The following PI4KA variants were observed in gnomAD, a reference collection of about 807,000 sequenced individuals.
PI4KA encodes the protein PI4-kinase alpha.
In PI4KA, 122 loss-of-function variants were observed where a neutral mutation model predicts 271.4. The observed-to-expected ratio is 0.45, with a 90% CI of 0.39 to 0.52. PI4KA has a LOEUF of 0.52. PI4KA is among the 20% of genes least tolerant of loss of function. PI4KA has a pLI of 0.00. For missense variants in PI4KA, 1,969 were observed against 2,769.1 expected (o/e 0.71, Z 6.48); for synonymous variants, 1,041 against 1,078.8 (o/e 0.96, Z 0.69).
At chr22:20,849,809 G>A (rs570369962) in intron 1 of PI4KA, among the ~76,000 whole-genome samples, 23 of 152,234 alleles carry the variant, frequency 1.5e-4, no homozygotes, top group African/African-American at 5.1e-4. Flanking sequence ...AGCCGAGATC[G>A]CGCCACTGCA....
intron 1 of PI4KA, among the ~76,000 whole-genome samples, chr22:20,840,287 C>T (rs1375997591): frequency 2.0e-5 from 3 of 152,246 alleles, no homozygotes; most frequent in Admixed American, 2.0e-4. Context: ...GAAGCCAGGA[C>T]AAATCAGGAA....
At chr22:20,755,311 T>G (rs530512980) in intron 23 of PI4KA, among the ~76,000 whole-genome samples, 1 of 152,358 alleles carries the variant, frequency 6.6e-6, no homozygotes, top group Admixed American at 6.5e-5. Flanking sequence ...ATGTCTTGTC[T>G]TTTCTTCTTC....
intron 36 of PI4KA, among the ~76,000 whole-genome samples, chr22:20,730,744 A>G (rs1927940015): frequency 6.6e-6 from 1 of 151,430 alleles, no homozygotes; most frequent in South Asian, 2.1e-4. Flanking sequence ...TAATTTTTGT[A>G]TTTTTAGTAG....
chr22:20,787,592 A>C, intron 19 of PI4KA: 1 of 177,750 alleles, frequency 5.6e-6, no homozygotes, highest in Non-Finnish European at 1.2e-5. Context: ...AATTTTCTCA[A>C]AGCCTGACCT....
At chr22:20,776,152 T>C (rs1199864455) in intron 19 of PI4KA, among the ~76,000 whole-genome samples, 19 of 152,044 alleles carry the variant, frequency 1.2e-4, no homozygotes, top group Non-Finnish European at 5.9e-5. Context: ...TAAAACCCCA[T>C]CTTTACCAAA....
intron 19 of PI4KA, among the ~76,000 whole-genome samples, chr22:20,778,485 CAG>C (rs1200016295): frequency 6.6e-6 from 1 of 152,102 alleles, no homozygotes; most frequent in Non-Finnish European, 1.5e-5. Flanking sequence ...GCCTGGGTGA[CAG>C]AGTGAGACTC....
At position 20,822,844 on chromosome 22, in the gene PI4KA, T is replaced by C. The variant is rs988104622; in HGVS notation, c.456+1482A>G. ...ATGACTTGTTCATAACCAAGTCAAA[T>C]CTCTTACATTTTCCTAATATTAAGT... On this transcript the variant is annotated intron_variant, in intron 4 of 54. Transcript: ENST00000255882. Among the ~76,000 whole-genome samples the C allele has an allele frequency of 1.3e-5, 2 of 152,220 alleles. 1 individual carries two copies. The highest frequency in any genetic ancestry group is 4.8e-5 in the African/African-American group (2 of 41,454).
chr22:20,844,157 A>G (rs1925950444), intron 1 of PI4KA, among the ~76,000 whole-genome samples: 1 of 152,314 alleles, frequency 6.6e-6, no homozygotes. Context: ...CTGATGTCTT[A>G]CAGTTACTTG....
At position 20,858,792 on chromosome 22, in the gene PI4KA, G is replaced by A; in HGVS notation, c.-67C>T. ...TGGCCCGCGAGCGCCCGACCTCAGGGCGCAGGCGTAGGTGCATCCGGCTTT... is the reference window on the plus strand; with the variant it reads ...TGGCCCGCGAGCGCCCGACCTCAGGACGCAGGCGTAGGTGCATCCGGCTTT... On this transcript the variant is annotated 5_prime_UTR_variant, in exon 1 of 55. Transcript: ENST00000255882. 7.3e-7 allele frequency: 1 copy of A among 1,367,918 alleles called. No individual in the cohort carries two copies. The highest frequency in any genetic ancestry group is 1.5e-5 in the South Asian group (1 of 64,946). 84.7% of individuals were successfully genotyped at this position (1,367,918 alleles called of 1,614,324 possible). A position where few individuals can be genotyped will look rare whatever the true frequency, so the allele number is the denominator to read the frequency against.
chr22:20,759,561 G>A (rs1447796953), intron 23 of PI4KA, among the ~76,000 whole-genome samples: 3 of 151,390 alleles, frequency 2.0e-5, no homozygotes, highest in Admixed American at 6.6e-5. Flanking sequence ...GCACCACCAC[G>A]CTCGGCTTAT....
At chr22:20,784,569 C>G (rs917567109) in intron 19 of PI4KA, among the ~76,000 whole-genome samples, 3 of 152,144 alleles carry the variant, frequency 2.0e-5, no homozygotes, top group African/African-American at 7.2e-5. Context: ...CCATTACTTC[C>G]CCGGGTCACT....
At chr22:20,732,866 G>T (rs1163886069) in intron 36 of PI4KA, 105 bp downstream of exon 36, 2 of 1,321,830 alleles carry the variant, frequency 1.5e-6, no homozygotes. Flanking sequence ...GCTCAGGGGG[G>T]TCTAACTGCT....
In PI4KA at chr22:20,818,529, C is replaced by T; in HGVS notation, c.810G>A (p.Met270Ile). 1 of 1,559,896 alleles carries T rather than the reference C, an allele frequency of 6.4e-7. No homozygotes were observed. The highest frequency in any genetic ancestry group is 8.6e-7 in the Non-Finnish European group (1 of 1,159,348). Residue 270 changes from methionine to isoleucine, a missense_variant, in exon 7 of 55, where the codon ATG becomes ATA. Met to Ile is a conservative substitution (Grantham distance 10). Transcript: ENST00000255882. ...SISQVSPERGMPPPSSPGGSA... is the reference protein window; with the variant it reads ...SISQVSPERGIPPPSSPGGSA... ...ATCCTCCAGGGGAACTGGGAGGGGG[C>T]ATGCCGCGTTCAGGGCTGACCTGAA...
chr22:20,779,718 A>G, intron 19 of PI4KA: 1 of 1,614,236 alleles, frequency 6.2e-7, no homozygotes, highest in Non-Finnish European at 8.5e-7. Flanking sequence ...GTTCGCTTTC[A>G]ACCTCTACCG....
chr22:20,834,653 G>A lies in PI4KA; in HGVS notation c.276C>T (p.His92=). ...GAAGGTAAGGAACCACACAATCTTT[G>A]TGCTAAAAAATAATAAGAAGAATAA... The part of the protein sequence containing the change: ...GIFLIESDLQ[H]KDCVVPYLLR... Residue 92 remains histidine (H), a splice_region_variant and synonymous_variant, in exon 3 of 55, where the codon CAC becomes CAT. Coordinates refer to ENST00000255882, the MANE Select transcript of PI4KA (RefSeq NM_058004.4). 4 of 1,582,920 alleles carry A rather than the reference G, an allele frequency of 2.5e-6. No individual in the cohort carries two copies. The highest frequency in any genetic ancestry group is 3.5e-6 in the Non-Finnish European group (4 of 1,153,312).
intron 7 of PI4KA, among the ~76,000 whole-genome samples, chr22:20,816,885 G>A (rs1921877056): frequency 6.6e-6 from 1 of 152,196 alleles, no homozygotes; most frequent in South Asian, 2.1e-4. Flanking sequence ...TCATGGAGAG[G>A]AGCCCTCACC....
intron 32 of PI4KA, among the ~76,000 whole-genome samples, chr22:20,737,535 G>C (rs1443813710): frequency 4.6e-5 from 7 of 152,180 alleles, no homozygotes; most frequent in African/African-American, 1.7e-4. Context: ...AGGTGGATCT[G>C]GGCTCCAGAG....
intron 31 of PI4KA, 105 bp from the exon 32 acceptor site, chr22:20,742,460 T>C: frequency 1.9e-6 from 3 of 1,554,302 alleles, no homozygotes; most frequent in South Asian, 1.2e-5. Context: ...GTGATGGCCT[T>C]TTATTGACTT....
At chr22:20,717,050 C>G (rs973626502) in intron 45 of PI4KA, among the ~76,000 whole-genome samples, 26 of 152,126 alleles carry the variant, frequency 1.7e-4, no homozygotes, top group South Asian at 4.1e-4. Context: ...TTGAGGCCAT[C>G]CTGGCTAACA....
Sources: gnomAD v4.1 joint callset for allele counts (sites outside exome capture counted in the v4.1 genomes callset) on GRCh38, gnomAD v4.1.1 for gene constraint, MANE v1.5 for transcripts, NCBI Gene and HGNC (gene_info 2026-07-23, HGNC 2026-07-21) for gene names.